RASAL2: variants seen among roughly 807,000 people sequenced by gnomAD.
The protein encoded by RASAL2 is RAS protein activator like 2.
Under a neutral mutation model 128.9 loss-of-function variants are expected in RASAL2, and 58 were observed. The ratio of observed to expected loss-of-function variants is 0.45; its 90% CI spans 0.36 to 0.56. RASAL2 has a LOEUF of 0.56. Ranked by LOEUF, RASAL2 falls within the 20% of genes least tolerant of loss-of-function variation. The pLI is 0.00. For missense variants in RASAL2, 1,360 were observed against 1,601.6 expected (o/e 0.85, Z 2.57); for synonymous variants, 561 against 580.8 (o/e 0.97, Z 0.49).
intron 1 of RASAL2, among the ~76,000 whole-genome samples, chr1:178,245,029 A>G (rs749455540): frequency 3.3e-5 from 5 of 152,212 alleles, no homozygotes; most frequent in South Asian, 2.1e-4. Context: ...TAGTGCTGCA[A>G]TAAACATATA....
At chr1:178,246,996 A>C (rs1664795071) in intron 1 of RASAL2, among the ~76,000 whole-genome samples, 1 of 152,156 alleles carries the variant, frequency 6.6e-6, no homozygotes, top group African/African-American at 2.4e-5. Context: ...TATCACATCG[A>C]TGTTCATCAG....
chr1:178,362,054 C>T (rs1400632803), intron 3 of RASAL2, among the ~76,000 whole-genome samples: 1 of 152,208 alleles, frequency 6.6e-6, no homozygotes, highest in Non-Finnish European at 1.5e-5. Context: ...CACTCACCTC[C>T]TGCTGTGCGG....
At chr1:178,443,836 A>G (rs1676826266) in intron 8 of RASAL2, among the ~76,000 whole-genome samples, 1 of 152,196 alleles carries the variant, frequency 6.6e-6, no homozygotes, top group African/African-American at 2.4e-5. Context: ...AACAAAAACT[A>G]GTTGAGAGAG....
rs142782728 is a variant in RASAL2 at position 178,458,487 on chromosome 1, C to G, written c.3195C>G (p.Ser1065=). The G allele has an allele frequency of 7.4e-6, 12 of 1,613,938 alleles. No individual in the cohort carries two copies. Among genetic ancestry groups the G allele is most frequent in the Non-Finnish European group, 1.0e-5 (12 of 1,179,966 alleles). ...NGSRSRQQSS[S]SRESPVPKVR... Reference sequence around the variant, plus strand: ...GCCGGTCCCGGCAGCAGTCCTCTTCCTCCAGAGAGAGCCCTGTTCCCAAAG... The same window carrying G: ...GCCGGTCCCGGCAGCAGTCCTCTTCGTCCAGAGAGAGCCCTGTTCCCAAAG... Residue 1065 remains serine, a synonymous_variant, in exon 14 of 18, where the codon TCC becomes TCG. Transcript: ENST00000367649.
chr1:178,377,908 G>A (rs1672076871), intron 3 of RASAL2, among the ~76,000 whole-genome samples: 1 of 151,506 alleles, frequency 6.6e-6, no homozygotes. Context: ...ACTACTAGAA[G>A]AGTAAAAATA....
chr1:178,369,275 G>T (rs1361371099), intron 3 of RASAL2, among the ~76,000 whole-genome samples: 2 of 152,058 alleles, frequency 1.3e-5, no homozygotes, highest in Non-Finnish European at 2.9e-5. Flanking sequence ...AGGCTGGAGT[G>T]CAGTGGCGCG....
At chr1:178,123,406 G>A (rs1034680958) in intron 1 of RASAL2, among the ~76,000 whole-genome samples, 2 of 152,176 alleles carry the variant, frequency 1.3e-5, no homozygotes, top group Admixed American at 6.5e-5. Flanking sequence ...TCCTGAGGAC[G>A]AAACTTGGCC....
At chr1:178,222,544 C>T (rs1309116368) in intron 1 of RASAL2, among the ~76,000 whole-genome samples, 2 of 152,096 alleles carry the variant, frequency 1.3e-5, no homozygotes, top group Non-Finnish European at 2.9e-5. Flanking sequence ...TTCCTAATCT[C>T]TCTCTGGAAT....
intron 1 of RASAL2, among the ~76,000 whole-genome samples, chr1:178,235,037 C>G (rs1664170015): frequency 6.6e-6 from 1 of 152,054 alleles, no homozygotes; most frequent in South Asian, 2.1e-4. Context: ...TTACTCTTGG[C>G]AAATAGATAA....
chr1:178,132,622 A>G (rs1364446373), intron 1 of RASAL2, among the ~76,000 whole-genome samples: 1 of 152,206 alleles, frequency 6.6e-6, no homozygotes, highest in African/African-American at 2.4e-5. Context: ...TTTAAAGTTG[A>G]GGAGAAATCT....
intron 1 of RASAL2, among the ~76,000 whole-genome samples, chr1:178,129,981 A>G (rs1660042455): frequency 6.6e-6 from 1 of 152,162 alleles, no homozygotes; most frequent in South Asian, 2.1e-4. Context: ...CCAGATTTAT[A>G]TTTTAGAATT....
intron 1 of RASAL2, among the ~76,000 whole-genome samples, chr1:178,156,129 C>T (rs1038120453): frequency 6.6e-6 from 1 of 152,080 alleles, no homozygotes; most frequent in African/African-American, 2.4e-5. Flanking sequence ...GAATTTCTAA[C>T]TGGAAGTTTA....
At chr1:178,470,623 C>G (rs1336584672) in intron 17 of RASAL2, 8 of 1,238,764 alleles carry the variant, frequency 6.5e-6, no homozygotes, top group Non-Finnish European at 8.7e-6. Context: ...GAAGGGCTTC[C>G]TCCTATGAGA....
At chr1:178,230,888 G>T (rs1017670977) in intron 1 of RASAL2, among the ~76,000 whole-genome samples, 8 of 152,060 alleles carry the variant, frequency 5.3e-5, no homozygotes, top group African/African-American at 1.9e-4. Flanking sequence ...GCATGCACAG[G>T]GGCCTGCTAG....
intron 1 of RASAL2, among the ~76,000 whole-genome samples, chr1:178,215,460 T>C (rs1418473339): frequency 3.3e-5 from 5 of 152,252 alleles, no homozygotes; most frequent in Non-Finnish European, 7.3e-5. Context: ...CATTGGACCT[T>C]ACGTGAGTGG....
intron 1 of RASAL2, among the ~76,000 whole-genome samples, chr1:178,140,290 A>G (rs577046411): frequency 1.3e-5 from 2 of 152,302 alleles, no homozygotes; most frequent in Admixed American, 6.5e-5. Context: ...AATTTCTTCT[A>G]TGTTAGTTTG....
intron 1 of RASAL2, among the ~76,000 whole-genome samples, chr1:178,139,505 C>T (rs1401705691): frequency 6.6e-6 from 1 of 151,942 alleles, no homozygotes; most frequent in Non-Finnish European, 1.5e-5. Context: ...AAAGTTACTC[C>T]TTACTATTAC....
At chr1:178,227,132 C>T (rs567767859) in intron 1 of RASAL2, among the ~76,000 whole-genome samples, 79 of 152,154 alleles carry the variant, frequency 5.2e-4, no homozygotes, top group African/African-American at 1.7e-3. Context: ...CCTTCTACCA[C>T]CTCAGAAAAA....
At chr1:178,299,717 G>T (rs1160321338) in intron 2 of RASAL2, among the ~76,000 whole-genome samples, 1 of 152,022 alleles carries the variant, frequency 6.6e-6, no homozygotes. Flanking sequence ...GGATGATCTG[G>T]ATCTCTTGAC....
Sources: gnomAD v4.1 joint callset for allele counts (sites outside exome capture counted in the v4.1 genomes callset) on GRCh38, gnomAD v4.1.1 for gene constraint, MANE v1.5 for transcripts, NCBI Gene and HGNC (gene_info 2026-07-23, HGNC 2026-07-21) for gene names.